Variants in MSRB3 observed in about 807,000 individuals in gnomAD.
MSRB3 encodes methionine-R-sulfoxide reductase B3.
Under a neutral mutation model 21.0 loss-of-function variants are expected in MSRB3, and 13 were observed. The ratio of observed to expected loss-of-function variants is 0.62; its 90% CI spans 0.40 to 0.98. The LOEUF (loss-of-function observed/expected upper bound fraction) is 0.98. MSRB3 is among the 50% of genes least tolerant of loss of function. The pLI, the probability that MSRB3 is intolerant of heterozygous loss-of-function variation, is 0.00. For synonymous variants in MSRB3, 87 were observed against 88.6 expected (o/e 0.98, Z 0.10); for missense variants, 199 against 230.3 (o/e 0.86, Z 0.88).
chr12:65,301,548 A>G (rs1373664558), intron 1 of MSRB3, among the ~76,000 whole-genome samples: 7 of 152,260 alleles, frequency 4.6e-5, no homozygotes, highest in Non-Finnish European at 5.9e-5. Flanking sequence ...ATGTTTCAAC[A>G]TAAGAAAGAT....
chr12:65,368,450 C>T (rs1227671375), intron 4 of MSRB3, among the ~76,000 whole-genome samples: 1 of 152,190 alleles, frequency 6.6e-6, no homozygotes, highest in Admixed American at 6.5e-5. Context: ...CACAGCCGAA[C>T]TGAGAGCTTC....
chr12:65,463,662 T>C lies in MSRB3; in HGVS notation c.*340T>C, dbSNP rs1883433818. 1 of 334,420 alleles carries C rather than the reference T, an allele frequency of 3.0e-6. No individual in the cohort carries two copies. Among genetic ancestry groups the C allele is most frequent in the Non-Finnish European group, 5.7e-6 (1 of 175,974 alleles). The allele number at this position is 334,420 out of a possible 1,614,324, so 20.7% of individuals were successfully genotyped here. ...GCAGAGGGTTCATGGTCTTCAAACA[T>C]GAAAATAGAGATCTCCTCTGCAGTG... On this transcript the variant is annotated 3_prime_UTR_variant, in exon 7 of 7. Coordinates refer to ENST00000308259, the MANE Select transcript of MSRB3 (RefSeq NM_001031679.3).
chr12:65,370,204 G>A (rs1342000798), intron 5 of MSRB3, among the ~76,000 whole-genome samples: 1 of 152,038 alleles, frequency 6.6e-6, no homozygotes, highest in Admixed American at 6.6e-5. Context: ...ACTAAAGGTG[G>A]GATGGCATTG....
At chr12:65,405,370 T>C (rs1044049994) in intron 5 of MSRB3, among the ~76,000 whole-genome samples, 1 of 152,160 alleles carries the variant, frequency 6.6e-6, no homozygotes, top group Non-Finnish European at 1.5e-5. Context: ...GTCTATGTTG[T>C]TGTCCCTAAT....
chr12:65,325,071 CAT>C (rs763101983), intron 2 of MSRB3, among the ~76,000 whole-genome samples: 32 of 152,296 alleles, frequency 2.1e-4, no homozygotes, highest in Admixed American at 5.9e-4. Context: ...CCAACAAACA[CAT>C]GAGAATAAAA....
chr12:65,321,515 A>T (rs574193446), intron 2 of MSRB3, among the ~76,000 whole-genome samples: 69 of 152,236 alleles, frequency 4.5e-4, no homozygotes, highest in African/African-American at 1.5e-3. Context: ...TAATCTCAGG[A>T]ATGTTTTTCC....
intron 5 of MSRB3, among the ~76,000 whole-genome samples, chr12:65,372,762 A>G (rs1322736910): frequency 6.6e-6 from 1 of 152,230 alleles, no homozygotes; most frequent in African/African-American, 2.4e-5. Context: ...ACTGTGGAGC[A>G]TATTGCATGA....
chr12:65,391,837 TAGAAAG>T (rs1238328238), intron 5 of MSRB3, among the ~76,000 whole-genome samples: 2 of 152,088 alleles, frequency 1.3e-5, no homozygotes, highest in African/African-American at 4.8e-5. Flanking sequence ...AAAGTTGGAT[TAGAAAG>T]AGAAAATTTG....
At chr12:65,444,637 A>C (rs1379363495) in intron 5 of MSRB3, among the ~76,000 whole-genome samples, 2 of 152,160 alleles carry the variant, frequency 1.3e-5, no homozygotes, top group East Asian at 1.9e-4. Flanking sequence ...CCTTCCCTGC[A>C]GGTTGTAAAA....
intron 5 of MSRB3, among the ~76,000 whole-genome samples, chr12:65,390,133 A>G (rs942703117): frequency 6.6e-6 from 1 of 151,892 alleles, no homozygotes; most frequent in Non-Finnish European, 1.5e-5. Context: ...AGTCATCTCA[A>G]CTCTCTCCTT....
intron 5 of MSRB3, among the ~76,000 whole-genome samples, chr12:65,383,076 A>G (rs576800897): frequency 2.0e-4 from 31 of 152,306 alleles, no homozygotes; most frequent in Non-Finnish European, 3.7e-4. Flanking sequence ...TCATAGAACT[A>G]TATGTACATT....
At chr12:65,304,326 G>T (rs933708985) in intron 1 of MSRB3, among the ~76,000 whole-genome samples, 4 of 152,122 alleles carry the variant, frequency 2.6e-5, no homozygotes, top group African/African-American at 9.7e-5. Context: ...TTTTAAGCAG[G>T]AAATTATAGA....
chr12:65,316,672 G>A (rs1874319722), intron 2 of MSRB3, among the ~76,000 whole-genome samples: 1 of 152,076 alleles, frequency 6.6e-6, no homozygotes, highest in African/African-American at 2.4e-5. Context: ...CTACATTCTG[G>A]TGAGAAAGAT....
chr12:65,287,723 G>T (rs551041183), intron 1 of MSRB3, among the ~76,000 whole-genome samples: 22 of 152,140 alleles, frequency 1.4e-4, no homozygotes, highest in Non-Finnish European at 3.1e-4. Context: ...ATGCCTTCTA[G>T]TCAGATCGCC....
intron 2 of MSRB3, among the ~76,000 whole-genome samples, chr12:65,316,584 C>T (rs1210206496): frequency 6.6e-6 from 1 of 152,124 alleles, no homozygotes; most frequent in African/African-American, 2.4e-5. Context: ...TGAATGAATG[C>T]TTGTGAATAA....
At chr12:65,419,773 T>G (rs1203040705) in intron 5 of MSRB3, 2 of 1,064,522 alleles carry the variant, frequency 1.9e-6, no homozygotes, top group Non-Finnish European at 2.9e-6. Context: ...CTTTGCATGG[T>G]CTCCTTCTCA....
At chr12:65,317,801 T>G (rs532855616) in intron 2 of MSRB3, among the ~76,000 whole-genome samples, 1 of 152,362 alleles carries the variant, frequency 6.6e-6, no homozygotes, top group African/African-American at 2.4e-5. Context: ...TTATTGTTGC[T>G]GTTTTTAAAC....
At chr12:65,409,260 C>T (rs552424036) in intron 5 of MSRB3, among the ~76,000 whole-genome samples, 263 of 152,034 alleles carry the variant, frequency 1.7e-3, no homozygotes, top group Non-Finnish European at 2.5e-3. Context: ...CTGAGAAACA[C>T]GTTGTTAGGC....
chr12:65,339,398 T>C (rs548471582), intron 4 of MSRB3, among the ~76,000 whole-genome samples: 1 of 152,360 alleles, frequency 6.6e-6, no homozygotes, highest in Non-Finnish European at 1.5e-5. Flanking sequence ...ACCAACAGAA[T>C]GGTAAATCTA....
Sources: allele counts gnomAD v4.1 joint callset (sites outside exome capture counted in the v4.1 genomes callset), GRCh38; gene constraint gnomAD v4.1.1; transcripts MANE v1.5; gene names NCBI Gene and HGNC (gene_info 2026-07-23, HGNC 2026-07-21).